The following NUMA1 variants were observed in gnomAD, a reference collection of about 807,000 sequenced individuals.
NUMA1 encodes SP-H antigen.
Under a neutral mutation model 237.1 loss-of-function variants are expected in NUMA1, and 62 were observed. The observed-to-expected ratio is 0.26, with a 90% CI of 0.21 to 0.32. The LOEUF (loss-of-function observed/expected upper bound fraction) is 0.32. NUMA1 is among the 10% of genes least tolerant of loss of function. The pLI is 1.00. For missense variants in NUMA1, 2,533 were observed against 2,666.5 expected, an observed-to-expected ratio of 0.95 and a Z score of 1.10; for synonymous variants, 1,028 against 1,066.1, an observed-to-expected ratio of 0.96 and a Z score of 0.70.
chr11:72,004,859 G>A (rs774397197), intron 23 of NUMA1, 43 bp from the exon 24 acceptor site: 1 of 1,509,306 alleles, frequency 6.6e-7, no homozygotes, highest in African/African-American at 1.4e-5. Context: ...TAGCTGTATG[G>A]AGATGGAGGA....
rs756643193 is a variant in NUMA1, at chr11:72,024,383, G to A, written c.129-30C>T. 1.1e-5 allele frequency: 18 copies of A among 1,598,924 alleles called. 1 individual carries two copies. The highest frequency in any genetic ancestry group is 7.7e-5 in the South Asian group (7 of 90,810). On this transcript the variant is annotated intron_variant, in intron 4 of 26. Coordinates refer to ENST00000393695, the MANE Select transcript of NUMA1 (RefSeq NM_006185.4). ...AAAAAGAGCAAGTATTAGGACCAGA[G>A]TATTCAGCAATCTTTGCCTCCTTGC...
intron 2 of NUMA1, among the ~76,000 whole-genome samples, chr11:72,059,095 T>C (rs551898578): frequency 2.5e-4 from 38 of 152,336 alleles, no homozygotes; most frequent in African/African-American, 8.9e-4. Flanking sequence ...TAGAAGTCTG[T>C]TGTACAACCT....
chr11:72,068,952 G>T (rs74483365), intron 2 of NUMA1, among the ~76,000 whole-genome samples: 2 of 152,206 alleles, frequency 1.3e-5, no homozygotes, highest in South Asian at 4.1e-4. Context: ...GCATCTTCTG[G>T]CTGTTTCTAA....
chr11:72,004,472 C>T (rs1955535048), intron 24 of NUMA1, 131 bp from the exon 25 acceptor site: 8 of 1,203,216 alleles, frequency 6.6e-6, no homozygotes, highest in Non-Finnish European at 9.6e-6. Flanking sequence ...CAACTCTGGG[C>T]CAGATCCTTC....
chr11:72,016,443 G>T lies in NUMA1; in HGVS notation c.1207C>A (p.Gln403Lys). The change falls in exon 14 of 27, where the codon CAG becomes AAG. Residue 403 changes from glutamine (Q) to lysine (K), a missense_variant. Coordinates refer to ENST00000393695, the MANE Select transcript of NUMA1 (RefSeq NM_006185.4). The part of the protein sequence containing the change: ...HLSQLQDNPP[Q>K]EKGEVLGDVL... ...TCACCCAGCACCTCGCCCTTCTCCTGGGGTGGGTTATCCTGCAGCTGGGAC... is the reference window on the plus strand; with the variant it reads ...TCACCCAGCACCTCGCCCTTCTCCTTGGGTGGGTTATCCTGCAGCTGGGAC... The T allele has an allele frequency of 6.2e-7, 1 of 1,614,072 alleles. No individual in the cohort carries two copies. Among genetic ancestry groups the T allele is most frequent in the Non-Finnish European group, 8.5e-7 (1 of 1,180,028 alleles).
In NUMA1 at chr11:72,014,630, C is replaced by G; in HGVS notation, c.2873G>C (p.Arg958Pro). ...CGCTGCCTGTGTGCTGCAGAACTGG[C>G]GTCCCTGTTGCTCTTCCAGCCACTC... ...QPEWLEEQQGRQFCSTQAALQ... is the reference protein window; with the variant it reads ...QPEWLEEQQGPQFCSTQAALQ... The change falls in exon 15 of 27, where the codon CGC (arginine) becomes CCC (proline). Residue 958 changes from arginine (R) to proline (P), a missense_variant. Around this residue, in one of 3 missense-constraint regions of NUMA1, gnomAD observed 1,414 missense variants for 1,508.1 expected, o/e 0.94. Transcript: ENST00000393695. The surrounding 1 kb of genome is among the most constrained non-coding windows in gnomAD (Gnocchi z 4.6). 6.2e-7 allele frequency: 1 copy of G among 1,610,192 alleles called. No homozygotes were observed.
chr11:72,034,706 CA>C (rs1344839392), intron 3 of NUMA1, among the ~76,000 whole-genome samples: 40 of 144,756 alleles, frequency 2.8e-4, no homozygotes, highest in Admixed American at 2.8e-4. Flanking sequence ...GACTCCATCT[CA>C]AAAAAAAAAA....
intron 2 of NUMA1, among the ~76,000 whole-genome samples, chr11:72,056,610 G>A (rs1422387930): frequency 4.7e-5 from 6 of 126,442 alleles, no homozygotes; most frequent in African/African-American, 1.5e-4. Flanking sequence ...ATGAGCCATC[G>A]CGCCTGACCA....
rs767052991 is a variant in NUMA1, at chr11:72,013,660, G to A, written c.3843C>T (p.Ala1281=). The A allele has an allele frequency of 5.6e-6, 9 of 1,609,316 alleles. No individual in the cohort carries two copies. The highest frequency in any genetic ancestry group is 7.6e-6 in the Non-Finnish European group (9 of 1,179,952). The change falls in exon 15 of 27, where the codon GCC becomes GCT. Residue 1281 remains alanine, a synonymous_variant. Coordinates refer to ENST00000393695, the MANE Select transcript of NUMA1 (RefSeq NM_006185.4). The surrounding 1 kb of genome is among the most constrained non-coding windows in gnomAD (Gnocchi z 6.8). ...LLQAETASNS[A]RAAERSSALR... is the part of the protein sequence containing the mutation. The stretch of plus-strand genomic sequence containing the variant: ...GAGCAGAGCTGCGTTCTGCAGCTCT[G>A]GCACTGTTGCTGGCTGTCTCTGCCT...
intron 2 of NUMA1, among the ~76,000 whole-genome samples, chr11:72,056,918 T>C (rs1226596910): frequency 4.0e-5 from 6 of 151,584 alleles, no homozygotes; most frequent in East Asian, 1.9e-4. Flanking sequence ...AAAACAAAAA[T>C]GGCATTGAAA....
intron 2 of NUMA1, among the ~76,000 whole-genome samples, chr11:72,047,261 G>A (rs1942053810): frequency 1.3e-5 from 2 of 152,116 alleles, no homozygotes; most frequent in South Asian, 2.1e-4. Flanking sequence ...TTTGAGCTCA[G>A]GAGTTCAAAT....
chr11:72,038,817 A>C (rs1565260949), intron 2 of NUMA1, among the ~76,000 whole-genome samples: 1 of 151,728 alleles, frequency 6.6e-6, no homozygotes, highest in Non-Finnish European at 1.5e-5. Context: ...ATAAACAAAG[A>C]AACAAAAGGC....
chr11:72,023,060 G>C lies in NUMA1; in HGVS notation c.291+5C>G. On this transcript the variant is annotated splice_donor_5th_base_variant and intron_variant, in intron 6 of 26. Transcript: ENST00000393695. ...TGCCTCCCCAGTCTGGTATTCCATA[G>C]GTACCTTCGCCAGTTCCAGCTCTGA... The C allele has an allele frequency of 6.2e-7, 1 of 1,610,680 alleles. No individual in the cohort carries two copies.
chr11:72,017,587 G>A (rs1295358681), intron 13 of NUMA1, 100 bp downstream of exon 13: 2 of 1,417,818 alleles, frequency 1.4e-6, no homozygotes, highest in Admixed American at 1.7e-5. Flanking sequence ...TGAAGAGAAA[G>A]CAACTTAATA....
intron 23 of NUMA1, 88 bp from the exon 24 acceptor site, chr11:72,004,904 C>G: frequency 7.7e-7 from 1 of 1,301,024 alleles, no homozygotes; most frequent in African/African-American, 1.5e-5. Context: ...TACACTCGCC[C>G]GACACTTATG....
chr11:72,017,607 C>T (rs1396357153), intron 13 of NUMA1, 80 bp downstream of exon 13: 1 of 1,548,884 alleles, frequency 6.5e-7, no homozygotes, highest in African/African-American at 1.4e-5. Flanking sequence ...ACCCAAAGGC[C>T]CAGAAGAGCA....
intron 3 of NUMA1, among the ~76,000 whole-genome samples, chr11:72,035,057 A>G (rs1258754165): frequency 6.6e-6 from 1 of 152,022 alleles, no homozygotes; most frequent in Non-Finnish European, 1.5e-5. Flanking sequence ...GGTTTTTGCC[A>G]TGTTGCCCAG....
Position 72,009,178 on chromosome 11 carries a change from T to C in NUMA1, c.4847A>G (p.Lys1616Arg), listed in dbSNP as rs141429131. Residue 1616 changes from lysine to arginine, a missense_variant, in exon 19 of 27, where the codon AAA (lysine) becomes AGA (arginine). Lys to Arg is a conservative substitution (Grantham distance 26). Around this residue, in one of 3 missense-constraint regions of NUMA1, gnomAD observed 795 missense variants for 750.8 expected, o/e 1.06. Transcript: ENST00000393695. ...AAEHYKLQME[K>R]AKTHYDAKKQ... The stretch of plus-strand genomic sequence containing the variant: ...CTTGGCATCATAATGTGTTTTGGCT[T>C]TCTCCATCTGTGGGCAGAGAGGGTG... 7.9e-7 allele frequency: 1 copy of C among 1,269,326 alleles called. No homozygotes were observed. Among genetic ancestry groups the C allele is most frequent in the African/African-American group, 1.7e-5 (1 of 58,590 alleles). The allele number at this position is 1,269,326 out of a possible 1,614,324, so 78.6% of individuals were successfully genotyped here.
Position 72,013,098 on chromosome 11 carries a change from A to G in NUMA1, c.4405T>C (p.Leu1469=). The G allele has an allele frequency of 6.2e-7, 1 of 1,613,492 alleles. No individual in the cohort carries two copies. The highest frequency in any genetic ancestry group is 1.3e-5 in the African/African-American group (1 of 74,794). Residue 1469 remains leucine, a synonymous_variant, in exon 15 of 27, where the codon TTG becomes CTG. Coordinates refer to ENST00000393695, the MANE Select transcript of NUMA1 (RefSeq NM_006185.4). This position sits in a 1 kb window ranked among gnomAD's most constrained non-coding sequence, Gnocchi z 6.8. The part of the protein sequence containing the change: ...NLGRQFLEVE[L]DQAREKYVQE... ...ACATACTTCTCCCGGGCCTGGTCCA[A>G]CTCCACTTCCAGAAACTGCCGGCCA... is the stretch of plus-strand genomic sequence containing the variant.
Sources: gnomAD v4.1 joint callset for allele counts (sites outside exome capture counted in the v4.1 genomes callset) on GRCh38, gnomAD v4.1.1 for gene constraint, gnomAD v4.1.1 regional missense constraint, Gnocchi (gnomAD v3.1) non-coding constraint, MANE v1.5 for transcripts, NCBI Gene and HGNC (gene_info 2026-07-23, HGNC 2026-07-21) for gene names.